Variants in UBE2F observed in about 807,000 individuals in gnomAD.
UBE2F encodes the protein NEDD8-conjugating enzyme UBE2F.
A neutral mutation model predicts 29.6 loss-of-function variants in UBE2F; 5 were observed. That is an observed-to-expected ratio of 0.17 (90% CI 0.09 to 0.36). The LOEUF (loss-of-function observed/expected upper bound fraction) is 0.36, where lower values mean the gene tolerates loss of function less well. Among genes scored for constraint, UBE2F ranks in the 10% least tolerant of loss-of-function variants. UBE2F has a pLI of 1.00. For synonymous variants in UBE2F, 66 were observed against 81.8 expected (o/e 0.81, Z 1.04); for missense variants, 141 against 228.5 (o/e 0.62, Z 2.47).
intron 4 of UBE2F, among the ~76,000 whole-genome samples, chr2:238,016,261 T>C (rs1421439797): frequency 2.6e-5 from 4 of 152,212 alleles, no homozygotes; most frequent in African/African-American, 9.6e-5. Context: ...TCCAGGAACA[T>C]GGTAGGATGC....
intron 4 of UBE2F, among the ~76,000 whole-genome samples, chr2:237,996,205 G>A (rs946397809): frequency 2.6e-5 from 4 of 152,182 alleles, no homozygotes; most frequent in Non-Finnish European, 5.9e-5. Context: ...GTAATGTAGG[G>A]TATTCTCAGA....
chr2:238,025,417 GT>G lies in UBE2F; in HGVS notation c.353+8del. On this transcript the variant is annotated splice_donor_region_variant and intron_variant, in intron 6 of 9. Coordinates refer to ENST00000272930, the MANE Select transcript of UBE2F (RefSeq NM_080678.3). The stretch of plus-strand genomic sequence containing the variant: ...GACAGGGGAAATATGTCTGAGGTGA[GT>G]TTATTGTCTTTTCTTTCTTCTACAT... 1 of 1,612,976 alleles carries G rather than the reference GT, an allele frequency of 6.2e-7. No homozygotes were observed. The highest frequency in any genetic ancestry group is 1.7e-5 in the Admixed American group (1 of 59,962).
intron 4 of UBE2F, among the ~76,000 whole-genome samples, chr2:238,010,158 A>G (rs1475622722): frequency 6.6e-6 from 1 of 151,948 alleles, no homozygotes; most frequent in South Asian, 2.1e-4. Flanking sequence ...AGGTAGATAG[A>G]TAGATTGAGC....
At chr2:238,039,720 GGCTGGAGCATGGGGCCT>G (rs981392480) in intron 9 of UBE2F, among the ~76,000 whole-genome samples, 2 of 152,216 alleles carry the variant, frequency 1.3e-5, no homozygotes, top group Non-Finnish European at 1.5e-5. Context: ...AGGCAGCAGA[GGCTGGAGCATGGGGCCT>G]GCTGGAGCAT....
intron 4 of UBE2F, among the ~76,000 whole-genome samples, chr2:237,999,080 A>C (rs1225582959): frequency 6.6e-6 from 1 of 151,128 alleles, no homozygotes; most frequent in Non-Finnish European, 1.5e-5. Context: ...TCTTTTATTT[A>C]TTTATTTATT....
intron 2 of UBE2F, among the ~76,000 whole-genome samples, chr2:237,974,160 ATTT>A (rs375237774): frequency 7.3e-6 from 1 of 137,556 alleles, no homozygotes. Flanking sequence ...CGCCCAGCTC[ATTT>A]TTTTTTTTTT....
At chr2:238,002,292 A>C (rs2063811328) in intron 4 of UBE2F, among the ~76,000 whole-genome samples, 1 of 151,898 alleles carries the variant, frequency 6.6e-6, no homozygotes, top group Admixed American at 6.6e-5. Flanking sequence ...ATTATACTTT[A>C]AGTTTTAGGG....
At position 237,973,173 on chromosome 2, in the gene UBE2F, A is replaced by G. The variant is rs748560017; in HGVS notation, c.66A>G (p.Thr22=). Residue 22 remains threonine (T), a synonymous_variant, in exon 2 of 10, where the codon ACA becomes ACG. Coordinates refer to ENST00000272930, the MANE Select transcript of UBE2F (RefSeq NM_080678.3). ...DGLKGSRTAA[T]ASDSTRRVSV... ...TCAAAGGGTCCCGGACGGCAGCCACAGCGTCCGACTCGACTCGGAGGGTTT... is the reference window on the plus strand; with the variant it reads ...TCAAAGGGTCCCGGACGGCAGCCACGGCGTCCGACTCGACTCGGAGGGTTT... 3 of 1,614,010 alleles carry G rather than the reference A, an allele frequency of 1.9e-6. No individual in the cohort carries two copies. Among genetic ancestry groups the G allele is most frequent in the Admixed American group, 3.3e-5 (2 of 60,010 alleles).
intron 2 of UBE2F, among the ~76,000 whole-genome samples, chr2:237,976,746 A>G (rs2063289029): frequency 2.6e-5 from 4 of 152,210 alleles, no homozygotes; most frequent in Non-Finnish European, 5.9e-5. Context: ...AGTGGGGATT[A>G]AGCTTCAGCA....
At chr2:238,032,947 C>A (rs2064619202) in intron 8 of UBE2F, among the ~76,000 whole-genome samples, 1 of 152,162 alleles carries the variant, frequency 6.6e-6, no homozygotes. Flanking sequence ...TTCTGCCCTG[C>A]TGAGGTGGCT....
chr2:238,013,562 C>T (rs1418157681), intron 4 of UBE2F, among the ~76,000 whole-genome samples: 1 of 152,142 alleles, frequency 6.6e-6, no homozygotes, highest in East Asian at 1.9e-4. Flanking sequence ...GACTCCTTGG[C>T]CTCAAGGGCG....
rs1357573382 is a variant in UBE2F, at chr2:237,982,308, A to G, written c.119-5655A>G. Among the ~76,000 whole-genome samples the G allele has an allele frequency of 3.3e-5, 5 of 151,926 alleles. No homozygotes were observed. The highest frequency in any genetic ancestry group is 5.9e-5 in the Non-Finnish European group (4 of 67,982). On this transcript the variant is annotated intron_variant, in intron 2 of 9. Transcript: ENST00000272930. The surrounding 1 kb of genome is among the most constrained non-coding windows in gnomAD (Gnocchi z 4.1). ...GAGAAGGGGCCTGGCTCTGTTGCCC[A>G]TTTCTTCCCACTCCTCCGCCCTACC...
intron 2 of UBE2F, among the ~76,000 whole-genome samples, chr2:237,987,410 A>G (rs567666637): frequency 6.6e-5 from 10 of 152,270 alleles, no homozygotes; most frequent in African/African-American, 2.4e-4. Flanking sequence ...ACTGTGTTGA[A>G]TAGAAGTGGT....
At chr2:238,041,246 C>G in intron 9 of UBE2F, 42 bp from the exon 10 acceptor site, 1 of 1,596,782 alleles carries the variant, frequency 6.3e-7, no homozygotes, top group Non-Finnish European at 8.6e-7. Flanking sequence ...CTCACTCACT[C>G]CTCCTGTTCT....
At chr2:237,972,645 G>C (rs2106322449) in intron 1 of UBE2F, among the ~76,000 whole-genome samples, 1 of 146,356 alleles carries the variant, frequency 6.8e-6, no homozygotes, top group African/African-American at 2.5e-5. Flanking sequence ...CAATCTCCCA[G>C]GCTCAAGGGA....
chr2:237,988,916 G>A (rs2063532121), intron 3 of UBE2F, among the ~76,000 whole-genome samples: 1 of 152,112 alleles, frequency 6.6e-6, no homozygotes, highest in Non-Finnish European at 1.5e-5. Context: ...GACACACAGG[G>A]TCAGCATGCA....
intron 6 of UBE2F, among the ~76,000 whole-genome samples, chr2:238,029,621 T>C (rs1215539334): frequency 1.3e-5 from 2 of 150,794 alleles, no homozygotes; most frequent in Middle Eastern, 3.2e-3. Context: ...AACCCAGTTA[T>C]TAAAATGTCA....
Position 238,030,607 on chromosome 2 carries a change from A to G in UBE2F, c.405A>G (p.Thr135=), listed in dbSNP as rs1320293224. 1 of 1,613,122 alleles carries G rather than the reference A, an allele frequency of 6.2e-7. No homozygotes were observed. Among genetic ancestry groups the G allele is most frequent in the Non-Finnish European group, 8.5e-7 (1 of 1,179,228 alleles). Residue 135 remains threonine, a synonymous_variant, in exon 7 of 10, where the codon ACA becomes ACG. Transcript: ENST00000272930. ...GCACTGGCTGGGCTCCCACAAGAAC[A>G]TTAAAGGTAGAGTCTGTGCCTTGAT... ...IDGTGWAPTR[T]LKDVVWGLNS...
chr2:238,035,836 GC>G, intron 8 of UBE2F, 41 bp from the exon 9 acceptor site: 1 of 1,527,308 alleles, frequency 6.5e-7, no homozygotes, highest in Admixed American at 1.7e-5. Context: ...CAGCAGAAAA[GC>G]AGTTCTCCCA....
Sources: gnomAD v4.1 joint callset for allele counts (sites outside exome capture counted in the v4.1 genomes callset) on GRCh38, gnomAD v4.1.1 for gene constraint, Gnocchi (gnomAD v3.1) non-coding constraint, MANE v1.5 for transcripts, NCBI Gene and HGNC (gene_info 2026-07-23, HGNC 2026-07-21) for gene names.